The following MTUS2 variants were observed in gnomAD, a reference collection of about 807,000 sequenced individuals.
MTUS2 encodes the protein microtubule-associated tumor suppressor candidate 2.
MTUS2 carries 40 observed loss-of-function variants against 114.1 expected under a neutral mutation model. The ratio of observed to expected loss-of-function variants is 0.35; its 90% CI spans 0.27 to 0.46. The LOEUF (loss-of-function observed/expected upper bound fraction) is 0.46, where lower values mean the gene tolerates loss of function less well. MTUS2 is among the 20% of genes least tolerant of loss of function. The probability of loss-of-function intolerance (pLI) is 1.00; values close to 1 mark genes in which losing one functional copy is unlikely to be tolerated. For missense variants in MTUS2, 1,679 were observed against 1,705.4 expected (o/e 0.98, Z 0.27); for synonymous variants, 688 against 672.0 (o/e 1.02, Z -0.37).
intron 4 of MTUS2, among the ~76,000 whole-genome samples, chr13:29,068,145 A>G (rs550675794): frequency 2.0e-5 from 3 of 152,340 alleles, no homozygotes; most frequent in Admixed American, 1.3e-4. Flanking sequence ...TAATGATACC[A>G]TTGACCTTGG....
Position 29,281,784 on chromosome 13 carries a change from G to C in MTUS2, c.2725G>C (p.Val909Leu). 1 of 1,612,406 alleles carries C rather than the reference G, an allele frequency of 6.2e-7. No homozygotes were observed. The highest frequency in any genetic ancestry group is 8.5e-7 in the Non-Finnish European group (1 of 1,178,658). The part of the protein sequence containing the change: ...SKDTPKGAGR[V>L]APPASSSVTA... ...GGACACACCCAAGGGGGCCGGCCGG[G>C]TGGCCCCTCCAGCATCCTCCAGTGT... Residue 909 changes from valine to leucine, a missense_variant, in exon 6 of 16, where the codon GTG becomes CTG. Physicochemically the swap from Val to Leu is conservative, Grantham distance 32. Around this residue, in one of 3 missense-constraint regions of MTUS2, gnomAD observed 822 missense variants for 899.7 expected, o/e 0.91. Coordinates refer to ENST00000612955, the MANE Select transcript of MTUS2 (RefSeq NM_001033602.4).
chr13:29,221,376 T>C (rs989442648), intron 5 of MTUS2, among the ~76,000 whole-genome samples: 1 of 152,264 alleles, frequency 6.6e-6, no homozygotes, highest in African/African-American at 2.4e-5. Context: ...ATTCTCCATT[T>C]TTGGTGATAG....
chr13:29,066,830 T>C (rs1020833637), intron 4 of MTUS2, among the ~76,000 whole-genome samples: 1 of 152,374 alleles, frequency 6.6e-6, no homozygotes, highest in Admixed American at 6.5e-5. Flanking sequence ...ATGTGCAGAA[T>C]GCACAGGAGG....
chr13:29,199,223 T>G (rs1894834108), intron 5 of MTUS2, among the ~76,000 whole-genome samples: 1 of 152,214 alleles, frequency 6.6e-6, no homozygotes, highest in African/African-American at 2.4e-5. Context: ...CTTCCAATAC[T>G]ATGTTGAATA....
In MTUS2 at chr13:28,868,499, TC is replaced by T. The variant is rs1877431906; in HGVS notation, c.-243+28650del. 2.0e-5 allele frequency among the ~76,000 whole-genome samples: 3 copies of T among 152,294 alleles called. 1 individual carries two copies. In the Middle Eastern group the frequency reaches 0.01, roughly 518 times the overall value. On this transcript the variant is annotated intron_variant, in intron 2 of 15. Coordinates refer to ENST00000612955, the MANE Select transcript of MTUS2 (RefSeq NM_001033602.4). ...AGTTTGTGTCTGTTTATGGTGCTCCTCTCGACGGACTTTCATCAGCAGGAGA... is the reference window on the plus strand; with the variant it reads ...AGTTTGTGTCTGTTTATGGTGCTCCTTCGACGGACTTTCATCAGCAGGAGA...
chr13:29,389,234 T>TGTGTATATATATGTATACAC (rs1872851293), intron 8 of MTUS2, among the ~76,000 whole-genome samples: 1 of 145,212 alleles, frequency 6.9e-6, no homozygotes, highest in East Asian at 2.0e-4. Context: ...TGTATATATG[T>TGTGTATATATATGTATACAC]ATGTGTGTAT....
intron 2 of MTUS2, among the ~76,000 whole-genome samples, chr13:28,857,651 A>G (rs1489011506): frequency 2.0e-5 from 3 of 152,226 alleles, no homozygotes; most frequent in South Asian, 2.1e-4. Context: ...TTGACATAAT[A>G]TGGAAGCAGT....
At chr13:29,341,073 C>T (rs1593324050) in intron 7 of MTUS2, among the ~76,000 whole-genome samples, 1 of 152,094 alleles carries the variant, frequency 6.6e-6, no homozygotes, top group Admixed American at 6.6e-5. Flanking sequence ...GGGCTGATTC[C>T]ATATTTTTGC....
At chr13:29,254,592 A>G (rs1897235562) in intron 5 of MTUS2, among the ~76,000 whole-genome samples, 1 of 152,252 alleles carries the variant, frequency 6.6e-6, no homozygotes, top group Non-Finnish European at 1.5e-5. Context: ...TCATTTGCAT[A>G]GGCAGTGGGA....
chr13:29,013,096 A>G (rs2138428765), intron 2 of MTUS2, among the ~76,000 whole-genome samples: 1 of 152,338 alleles, frequency 6.6e-6, no homozygotes, highest in South Asian at 2.1e-4. Context: ...TTGAGGTGCC[A>G]GTTGAAATGC....
chr13:28,902,082 T>C (rs976007751), intron 2 of MTUS2, among the ~76,000 whole-genome samples: 5 of 152,202 alleles, frequency 3.3e-5, no homozygotes, highest in African/African-American at 1.2e-4. Flanking sequence ...GTATTTCATT[T>C]TTTGTGGAGA....
At chr13:28,959,036 CAGT>C (rs1883198738) in intron 2 of MTUS2, among the ~76,000 whole-genome samples, 1 of 152,158 alleles carries the variant, frequency 6.6e-6, no homozygotes, top group Non-Finnish European at 1.5e-5. Context: ...AGGAGGAACA[CAGT>C]GGTGGGGGTC....
chr13:29,261,599 A>G, intron 5 of MTUS2, among the ~76,000 whole-genome samples: 1 of 152,226 alleles, frequency 6.6e-6, no homozygotes, highest in Middle Eastern at 3.2e-3. Context: ...AAACTTTCTT[A>G]TTGCTCTATT....
intron 2 of MTUS2, among the ~76,000 whole-genome samples, chr13:28,913,390 GT>G (rs1880562726): frequency 1.3e-5 from 2 of 152,078 alleles, no homozygotes; most frequent in Admixed American, 6.6e-5. Flanking sequence ...TTTGTCTTTA[GT>G]TCTGTTTGTG....
chr13:29,273,918 T>A lies in MTUS2; in HGVS notation c.2645-7786T>A, dbSNP rs192176632. Among the ~76,000 whole-genome samples the A allele has an allele frequency of 4.6e-5, 7 of 152,234 alleles. No individual in the cohort carries two copies. In the East Asian group the frequency reaches 1.3e-3, roughly 29 times the overall value. ...ATACCATATTTAGTGTATTCATTCA[T>A]CAGTCGATGGGGGGCCATTTGGGTA... On this transcript the variant is annotated intron_variant, in intron 5 of 15. Transcript: ENST00000612955.
intron 9 of MTUS2, among the ~76,000 whole-genome samples, chr13:29,444,865 A>G (rs760908433): frequency 1.3e-5 from 2 of 152,206 alleles, no homozygotes; most frequent in Non-Finnish European, 2.9e-5. Flanking sequence ...GAAATGACAG[A>G]GGATATCCCC....
At chr13:29,465,342 C>T (rs746815376) in intron 9 of MTUS2, among the ~76,000 whole-genome samples, 18 of 152,280 alleles carry the variant, frequency 1.2e-4, no homozygotes, top group Non-Finnish European at 2.1e-4. Context: ...GGCTTAACTC[C>T]CTGCACAGGA....
intron 15 of MTUS2, among the ~76,000 whole-genome samples, 157 bp downstream of exon 15, chr13:29,501,351 T>C (rs995047825): frequency 3.3e-5 from 5 of 152,176 alleles, no homozygotes; most frequent in African/African-American, 1.2e-4. Flanking sequence ...CCTGCGGCCA[T>C]CTTGCCTATT....
intron 5 of MTUS2, among the ~76,000 whole-genome samples, chr13:29,180,881 T>C (rs1008136415): frequency 2.3e-4 from 35 of 152,212 alleles, no homozygotes; most frequent in Admixed American, 2.2e-3. Flanking sequence ...TTCCACAAAT[T>C]GTATTCTCTT....
Sources: gnomAD v4.1 joint callset for allele counts (sites outside exome capture counted in the v4.1 genomes callset) on GRCh38, gnomAD v4.1.1 for gene constraint, gnomAD v4.1.1 regional missense constraint, MANE v1.5 for transcripts, NCBI Gene and HGNC (gene_info 2026-07-23, HGNC 2026-07-21) for gene names.